The following GRAP2 variants were observed in gnomAD, a reference collection of about 807,000 sequenced individuals.
The protein encoded by GRAP2 is GRB2-related adapter protein 2.
In GRAP2, 31 loss-of-function variants were observed where a neutral mutation model predicts 43.5. The ratio of observed to expected loss-of-function variants is 0.71; its 90% confidence interval spans 0.54 to 0.96. The LOEUF is 0.96. GRAP2 is among the 40% of genes least tolerant of loss of function. GRAP2 has a pLI of 0.00. For missense variants in GRAP2, 371 were observed against 424.4 expected, an observed-to-expected ratio of 0.87 and a Z score of 1.11; for synonymous variants, 156 against 164.8, an observed-to-expected ratio of 0.95 and a Z score of 0.41.
chr22:39,927,986 A>G (rs1885970353), intron 1 of GRAP2, among the ~76,000 whole-genome samples: 1 of 152,248 alleles, frequency 6.6e-6, no homozygotes, highest in African/African-American at 2.4e-5. Flanking sequence ...TAGGGAGCCC[A>G]GATGGGAGAA....
intron 1 of GRAP2, among the ~76,000 whole-genome samples, chr22:39,929,322 G>C (rs2066734275): frequency 6.6e-6 from 1 of 152,152 alleles, no homozygotes; most frequent in Admixed American, 6.5e-5. Flanking sequence ...CATGAAAAAG[G>C]AGTGTTCATC....
chr22:39,908,742 A>G (rs1468469359), intron 1 of GRAP2, among the ~76,000 whole-genome samples: 1 of 152,180 alleles, frequency 6.6e-6, no homozygotes, highest in African/African-American at 2.4e-5. Flanking sequence ...TGTGATTAAC[A>G]GGTGTTGATA....
At chr22:39,952,506 G>C (rs563322618) in intron 2 of GRAP2, among the ~76,000 whole-genome samples, 2 of 152,222 alleles carry the variant, frequency 1.3e-5, no homozygotes, top group African/African-American at 4.8e-5. Context: ...TTTTTACGTG[G>C]CTACGAGGCG....
intron 4 of GRAP2, among the ~76,000 whole-genome samples, chr22:39,963,491 G>C (rs1204271623): frequency 6.6e-6 from 1 of 152,158 alleles, no homozygotes. Flanking sequence ...TAATGACTTT[G>C]AGTTGATCCA....
chr22:39,946,983 A>G (rs2066928912), intron 1 of GRAP2, 110 bp from the exon 2 acceptor site: 1 of 724,666 alleles, frequency 1.4e-6, no homozygotes, highest in South Asian at 1.6e-5. Flanking sequence ...CGGCCTGGAG[A>G]CATCCATCTG....
At chr22:39,953,295 T>G (rs2067009070) in intron 2 of GRAP2, among the ~76,000 whole-genome samples, 1 of 152,178 alleles carries the variant, frequency 6.6e-6, no homozygotes, top group African/African-American at 2.4e-5. Context: ...CTGAAGCCCA[T>G]GAGCCCTTTC....
the GRAP2 span, among the ~76,000 whole-genome samples, chr22:39,894,436 AG>A: frequency 6.4e-5 from 5 of 78,696 alleles, no homozygotes; most frequent in Admixed American, 1.6e-4. Context: ...GGGAGGGGGG[AG>A]GGATAGCATT....
chr22:39,973,008 C>T lies in GRAP2; in HGVS notation c.*1924C>T. 1 of 153,336 alleles carries T rather than the reference C, an allele frequency of 6.5e-6. No individual in the cohort carries two copies. The highest frequency in any genetic ancestry group is 1.5e-5 in the Non-Finnish European group (1 of 68,392). 9.5% of individuals were successfully genotyped at this position (153,336 alleles called of 1,614,324 possible). On this transcript the variant is annotated 3_prime_UTR_variant, in exon 8 of 8. Coordinates refer to ENST00000344138, the MANE Select transcript of GRAP2 (RefSeq NM_004810.4). Reference sequence around the variant, plus strand: ...GCTGGGCAGTGGGGAGAGGAAGAATCAGAGCAGAGAAACCGCTGCTGCGGA... The same window carrying T: ...GCTGGGCAGTGGGGAGAGGAAGAATTAGAGCAGAGAAACCGCTGCTGCGGA...
chr22:39,961,184 C>A (rs2067116334), intron 4 of GRAP2, among the ~76,000 whole-genome samples: 1 of 152,030 alleles, frequency 6.6e-6, no homozygotes, highest in Non-Finnish European at 1.5e-5. Flanking sequence ...AAACTCCTGG[C>A]CTCGAGTAAT....
intron 7 of GRAP2, among the ~76,000 whole-genome samples, chr22:39,970,092 CT>C (rs2067222160): frequency 6.6e-6 from 1 of 152,042 alleles, no homozygotes; most frequent in South Asian, 2.1e-4. Flanking sequence ...TATCATAGTC[CT>C]TTACCATTGC....
At position 39,963,514 on chromosome 22, in the gene GRAP2, ATGAAGAAAGTATC is replaced by A. The variant is rs1256922245; in HGVS notation, c.291-2473_291-2461del. The stretch of plus-strand genomic sequence containing the variant: ...TTGAGTTGATCCATGTTGTCTTAGA[ATGAAGAAAGTATC>A]TGTTGGTGGCCAAAACCAAGGGGAA... On this transcript the variant is annotated intron_variant, in intron 4 of 7. Transcript: ENST00000344138. 8.5e-5 allele frequency among the ~76,000 whole-genome samples: 13 copies of A among 152,330 alleles called. No individual in the cohort carries two copies. In the East Asian group the frequency reaches 2.5e-3, roughly 29 times the overall value.
At position 39,971,059 on chromosome 22, in the gene GRAP2, A is replaced by T. The variant is rs752554043; in HGVS notation, c.968A>T (p.Asn323Ile). ...LHNKLGLFPA[N>I]YVAPMTR ...AACAAGCTGGGCCTCTTCCCTGCCAACTACGTGGCACCCATGACCCGATAA... is the reference window on the plus strand; with the variant it reads ...AACAAGCTGGGCCTCTTCCCTGCCATCTACGTGGCACCCATGACCCGATAA... Residue 323 changes from asparagine to isoleucine, a missense_variant, in exon 8 of 8, where the codon AAC becomes ATC. Asn to Ile is a moderately radical substitution (Grantham distance 149, BLOSUM62 -3). Transcript: ENST00000344138. 1.1e-5 allele frequency: 18 copies of T among 1,613,310 alleles called. No individual in the cohort carries two copies. The highest frequency in any genetic ancestry group is 1.4e-5 in the Non-Finnish European group (17 of 1,179,650).
intron 2 of GRAP2, among the ~76,000 whole-genome samples, chr22:39,955,453 C>T (rs998344531): frequency 7.9e-5 from 12 of 151,908 alleles, no homozygotes; most frequent in African/African-American, 2.9e-4. Flanking sequence ...ATTCTTCCTT[C>T]TCACCATCTG....
chr22:39,930,365 T>C (rs557122366), intron 1 of GRAP2, among the ~76,000 whole-genome samples: 2 of 152,248 alleles, frequency 1.3e-5, no homozygotes, highest in Non-Finnish European at 2.9e-5. Flanking sequence ...TTGATACATA[T>C]GAACTTGGGT....
In GRAP2 at chr22:39,955,842, G is replaced by A; in HGVS notation, c.102G>A (p.Trp34Ter). Reference protein sequence around the residue: ...VLKILSNQEEWFKAELGSQEG... With the variant: ...VLKILSNQEE ...AGATTTTAAGTAACCAAGAGGAGTG[G>A]TTTAAGGCGGAGCTTGGGAGCCAGG... The change falls in exon 3 of 8, where the codon TGG becomes TGA. Residue 34 changes from tryptophan to a stop codon, truncating the protein, a stop_gained. Transcript: ENST00000344138. LOFTEE classifies it high-confidence loss of function. 1 of 1,578,588 alleles carries A rather than the reference G, an allele frequency of 6.3e-7. No individual in the cohort carries two copies.
chr22:39,899,635 C>T (rs2066480688), upstream of GRAP2, among the ~76,000 whole-genome samples: 1 of 151,906 alleles, frequency 6.6e-6, no homozygotes, highest in South Asian at 2.1e-4. Flanking sequence ...CAGATATAAC[C>T]AGGATTTAAG....
At chr22:39,904,471 A>G (rs1263052144) in intron 1 of GRAP2, among the ~76,000 whole-genome samples, 1 of 152,212 alleles carries the variant, frequency 6.6e-6, no homozygotes, top group Non-Finnish European at 1.5e-5. Context: ...AAATATTAGT[A>G]CTCACTACCT....
intron 1 of GRAP2, among the ~76,000 whole-genome samples, chr22:39,936,817 C>T (rs994538857): frequency 1.3e-5 from 2 of 152,186 alleles, no homozygotes; most frequent in East Asian, 3.9e-4. Flanking sequence ...CGCATGATTG[C>T]TTGGTCTGAG....
chr22:39,969,870 C>T (rs149600452), intron 7 of GRAP2, among the ~76,000 whole-genome samples: 1,842 of 152,142 alleles, frequency 0.012, 59 homozygotes, highest in Admixed American at 0.067. Context: ...GCCGAGATTG[C>T]GCCATTTTAC....
Sources: allele counts gnomAD v4.1 joint callset (sites outside exome capture counted in the v4.1 genomes callset), GRCh38; gene constraint gnomAD v4.1.1; transcripts MANE v1.5; gene names NCBI Gene and HGNC (gene_info 2026-07-23, HGNC 2026-07-21).